Variants in CCER2 observed in about 807,000 individuals in gnomAD.
The protein encoded by CCER2 is coiled-coil domain-containing glutamate-rich protein 2.
Under a neutral mutation model 27.1 loss-of-function variants are expected in CCER2, and 20 were observed. The ratio of observed to expected loss-of-function variants is 0.74; its 90% confidence interval spans 0.52 to 1.07. The LOEUF is 1.07. Among genes scored for constraint, CCER2 ranks in the 50% least tolerant of loss-of-function variants. The pLI, the probability that CCER2 is intolerant of heterozygous loss-of-function variation, is 0.00. For synonymous variants in CCER2, 140 were observed against 144.3 expected, an observed-to-expected ratio of 0.97 and a Z score of 0.21; for missense variants, 351 against 344.7, an observed-to-expected ratio of 1.02 and a Z score of -0.14.
intron 4 of CCER2, among the ~76,000 whole-genome samples, chr19:38,909,804 C>CCT (rs1974267205): frequency 6.6e-6 from 1 of 151,604 alleles, no homozygotes; most frequent in African/African-American, 2.4e-5. Context: ...GAACTCCTGA[C>CCT]CTCAGGTAAT....
At position 38,909,072 on chromosome 19, in the gene CCER2, C is replaced by G; in HGVS notation, c.*164G>C. The G allele has an allele frequency of 1.1e-6, 1 of 940,210 alleles. No homozygotes were observed. The highest frequency in any genetic ancestry group is 1.6e-6 in the Non-Finnish European group (1 of 641,382). 58.2% of individuals were successfully genotyped at this position (940,210 alleles called of 1,614,324 possible). A position where few individuals can be genotyped will look rare whatever the true frequency, so the allele number is the denominator to read the frequency against. On this transcript the variant is annotated 3_prime_UTR_variant, in exon 5 of 5. Transcript: ENST00000571838. ...CTGTGTCAGGGCTGAGCCCAGCCCCCGGCCCAGCTCAGACTCACCTCCTTG... is the reference window on the plus strand; with the variant it reads ...CTGTGTCAGGGCTGAGCCCAGCCCCGGGCCCAGCTCAGACTCACCTCCTTG...
rs1974283047 is a variant in CCER2 at position 38,910,551 on chromosome 19, C to T, written c.711+12G>A. On this transcript the variant is annotated intron_variant, in intron 4 of 4. Transcript: ENST00000571838. ...AACTGTGTTGGTGTTCCTCCTTCAT[C>T]CCCCTACTCACCTCCCTCTCCGAAG... The T allele has an allele frequency of 2.1e-6, 3 of 1,457,838 alleles. No individual in the cohort carries two copies. The highest frequency in any genetic ancestry group is 2.5e-5 in the Admixed American group (1 of 40,238). The allele number at this position is 1,457,838 out of a possible 1,614,324, so 90.3% of individuals were successfully genotyped here.
intron 2 of CCER2, 50 bp from the exon 3 acceptor site, chr19:38,911,703 T>C (rs1254791092): frequency 1.3e-5 from 20 of 1,526,054 alleles, no homozygotes; most frequent in Non-Finnish European, 1.8e-5. Flanking sequence ...GCAGGGGAGA[T>C]GGGGAGGAGA....
At position 38,909,084 on chromosome 19, in the gene CCER2, G is replaced by C; in HGVS notation, c.*152C>G. The C allele has an allele frequency of 2.0e-6, 2 of 990,826 alleles. No individual in the cohort carries two copies. The highest frequency in any genetic ancestry group is 2.9e-6 in the Non-Finnish European group (2 of 681,642). 61.4% of individuals were successfully genotyped at this position (990,826 alleles called of 1,614,324 possible). A position where few individuals can be genotyped will look rare whatever the true frequency, so the allele number is the denominator to read the frequency against. On this transcript the variant is annotated 3_prime_UTR_variant, in exon 5 of 5. Transcript: ENST00000571838. ...TGAGCCCAGCCCCCGGCCCAGCTCA[G>C]ACTCACCTCCTTGGGTGTGGTTCCA...
Position 38,910,643 on chromosome 19 carries a change from C to T in CCER2, c.631G>A (p.Asp211Asn). 1 of 1,531,050 alleles carries T rather than the reference C, an allele frequency of 6.5e-7. No individual in the cohort carries two copies. The highest frequency in any genetic ancestry group is 8.7e-7 in the Non-Finnish European group (1 of 1,144,160). The allele number at this position is 1,531,050 out of a possible 1,614,324, so 94.8% of individuals were successfully genotyped here. ...TGGTGGTGGTGGTGGTGGGGCAAGT[C>T]CTCGCGCCTCTCTCCTCCGCCTCTC... ...AERGGGERRE[D>N]LPHHHHHHHQ... The change falls in exon 4 of 5, where the codon GAC becomes AAC. Residue 211 changes from aspartate to asparagine, a missense_variant. Coordinates refer to ENST00000571838, the MANE Select transcript of CCER2 (RefSeq NM_001243212.2).
intron 3 of CCER2, 55 bp downstream of exon 3, chr19:38,911,511 T>C (rs1298802680): frequency 7.0e-7 from 1 of 1,430,372 alleles, no homozygotes; most frequent in African/African-American, 1.4e-5. Flanking sequence ...CTGGGTGGGG[T>C]AGGGTAGGGT....
chr19:38,910,691 G>C lies in CCER2; in HGVS notation c.583C>G (p.Arg195Gly). ...EKGVRVLGGD[R>G]SLWQGAERGG... ...CTCTCGGCCCCCTGCCACAGGCTGCGGTCCCCGCCCAGCACCCGCACCCCC... is the reference window on the plus strand; with the variant it reads ...CTCTCGGCCCCCTGCCACAGGCTGCCGTCCCCGCCCAGCACCCGCACCCCC... The change falls in exon 4 of 5, where the codon CGC becomes GGC. Residue 195 changes from arginine to glycine, a missense_variant. Coordinates refer to ENST00000571838, the MANE Select transcript of CCER2 (RefSeq NM_001243212.2). 6.5e-7 allele frequency: 1 copy of C among 1,533,392 alleles called. No individual in the cohort carries two copies. The highest frequency in any genetic ancestry group is 8.7e-7 in the Non-Finnish European group (1 of 1,145,596). The allele number at this position is 1,533,392 out of a possible 1,614,324, so 95.0% of individuals were successfully genotyped here. A position where few individuals can be genotyped will look rare whatever the true frequency, so the allele number is the denominator to read the frequency against.
chr19:38,910,912 G>C lies in CCER2; in HGVS notation c.362C>G (p.Ala121Gly), dbSNP rs1443422034. ...RTHKSEVQEQ[A>G]IRMQGHRQLH... ...CTGGCGATGCCCTTGCATGCGGATGGCTTGTTCCTGGACCTCAGACTTGTG... is the reference window on the plus strand; with the variant it reads ...CTGGCGATGCCCTTGCATGCGGATGCCTTGTTCCTGGACCTCAGACTTGTG... The change falls in exon 4 of 5, where the codon GCC becomes GGC. Residue 121 changes from alanine (A) to glycine (G), a missense_variant. Ala to Gly is a moderately conservative substitution (Grantham distance 60). Transcript: ENST00000571838. 20 of 1,515,858 alleles carry C rather than the reference G, an allele frequency of 1.3e-5. No homozygotes were observed. Among genetic ancestry groups the C allele is most frequent in the Non-Finnish European group, 1.8e-5 (20 of 1,136,880 alleles). 93.9% of individuals were successfully genotyped at this position (1,515,858 alleles called of 1,614,324 possible). A position where few individuals can be genotyped will look rare whatever the true frequency, so the allele number is the denominator to read the frequency against.
At position 38,911,625 on chromosome 19, in the gene CCER2, G is replaced by A; in HGVS notation, c.131C>T (p.Thr44Ile). 1 of 1,535,558 alleles carries A rather than the reference G, an allele frequency of 6.5e-7. No individual in the cohort carries two copies. The highest frequency in any genetic ancestry group is 8.7e-7 in the Non-Finnish European group (1 of 1,146,744). Residue 44 changes from threonine (T) to isoleucine (I), a missense_variant, in exon 3 of 5, where the codon ACA (threonine) becomes ATA (isoleucine). By Grantham distance (89) the Thr-to-Ile change is moderately conservative. Transcript: ENST00000571838. ...GACCTGGCCCACGGTCAGCACCTCT[G>A]TGACCACCTCTGCCAGACAGCGGGT... ...ELTRCLAEVVTEVLTVGQVQR... is the reference protein window; with the variant it reads ...ELTRCLAEVVIEVLTVGQVQR...
In CCER2 at chr19:38,909,072, C is replaced by T. The variant is rs3181068; in HGVS notation, c.*164G>A. Reference sequence around the variant, plus strand: ...CTGTGTCAGGGCTGAGCCCAGCCCCCGGCCCAGCTCAGACTCACCTCCTTG... The same window carrying T: ...CTGTGTCAGGGCTGAGCCCAGCCCCTGGCCCAGCTCAGACTCACCTCCTTG... On this transcript the variant is annotated 3_prime_UTR_variant, in exon 5 of 5. Transcript: ENST00000571838. 1,224 of 940,208 alleles carry T rather than the reference C, an allele frequency of 1.3e-3. 5 individuals are homozygous for T. The highest frequency in any genetic ancestry group is 0.013 in the East Asian group (482 of 37,926). The allele number at this position is 940,208 out of a possible 1,614,324, so 58.2% of individuals were successfully genotyped here.
Position 38,910,586 on chromosome 19 carries a change from TCTC to T in CCER2, c.685_687del (p.Glu229del), listed in dbSNP as rs773315672. The T allele has an allele frequency of 1.3e-5, 19 of 1,494,490 alleles. No homozygotes were observed. Among genetic ancestry groups the T allele is most frequent in the East Asian group, 9.9e-5 (4 of 40,426 alleles). 92.6% of individuals were successfully genotyped at this position (1,494,490 alleles called of 1,614,324 possible). A position where few individuals can be genotyped will look rare whatever the true frequency, so the allele number is the denominator to read the frequency against. On this transcript the variant is annotated inframe_deletion, in exon 4 of 5. Coordinates refer to ENST00000571838, the MANE Select transcript of CCER2 (RefSeq NM_001243212.2). ...ACCTCCCTCTCCGAAGCCTCCTCCT[TCTC>T]CTGCCTGGGCTCAGCCTCTGGCTGG...
In CCER2 at chr19:38,911,057, A is replaced by G; in HGVS notation, c.217T>C (p.Cys73Arg). The change falls in exon 4 of 5, where the codon TGT (cysteine) becomes CGT (arginine). Residue 73 changes from cysteine to arginine, a missense_variant. Cys to Arg is a radical substitution (Grantham distance 180). Coordinates refer to ENST00000571838, the MANE Select transcript of CCER2 (RefSeq NM_001243212.2). ...AGGCCTTTCTCCTCGGTGGACGCAC[A>G]GCCGTGGGGCTCTGTCCCGCACAAC... ...KELCGTEPHG[C>R]ASTEEKGLLL... 6.8e-7 allele frequency: 1 copy of G among 1,461,052 alleles called. No homozygotes were observed. The highest frequency in any genetic ancestry group is 9.0e-7 in the Non-Finnish European group (1 of 1,113,264). 90.5% of individuals were successfully genotyped at this position (1,461,052 alleles called of 1,614,324 possible).
At position 38,911,556 on chromosome 19, in the gene CCER2, G is replaced by T; in HGVS notation, c.190+10C>A. On this transcript the variant is annotated intron_variant, in intron 3 of 4. Coordinates refer to ENST00000571838, the MANE Select transcript of CCER2 (RefSeq NM_001243212.2). ...TTGTGGAGGGCAAGTGGGGCCCGGGGCCTCCTTACCCTTGTGGAGAAGAGC... is the reference window on the plus strand; with the variant it reads ...TTGTGGAGGGCAAGTGGGGCCCGGGTCCTCCTTACCCTTGTGGAGAAGAGC... 1 of 1,534,544 alleles carries T rather than the reference G, an allele frequency of 6.5e-7. No individual in the cohort carries two copies. The highest frequency in any genetic ancestry group is 8.7e-7 in the Non-Finnish European group (1 of 1,145,974).
In CCER2 at chr19:38,910,610, G is replaced by C. The variant is rs1349847658; in HGVS notation, c.664C>G (p.Pro222Ala). Residue 222 changes from proline to alanine, a missense_variant, in exon 4 of 5, where the codon CCA becomes GCA. By Grantham distance (27) the Pro-to-Ala change is conservative. Coordinates refer to ENST00000571838, the MANE Select transcript of CCER2 (RefSeq NM_001243212.2). ...TTCTCCTGCCTGGGCTCAGCCTCTG[G>C]CTGGTGGTGGTGGTGGTGGTGGTGG... ...LPHHHHHHHQPEAEPRQEKEE... is the reference protein window; with the variant it reads ...LPHHHHHHHQAEAEPRQEKEE... The C allele has an allele frequency of 5.9e-6, 9 of 1,519,528 alleles. No individual in the cohort carries two copies. Among genetic ancestry groups the C allele is most frequent in the Non-Finnish European group, 7.9e-6 (9 of 1,137,528 alleles). The allele number at this position is 1,519,528 out of a possible 1,614,324, so 94.1% of individuals were successfully genotyped here.
chr19:38,909,036 G>T lies in CCER2; in HGVS notation c.*200C>A. The T allele has an allele frequency of 3.2e-6, 3 of 945,982 alleles. No individual in the cohort carries two copies. Among genetic ancestry groups the T allele is most frequent in the Non-Finnish European group, 4.6e-6 (3 of 647,892 alleles). The allele number at this position is 945,982 out of a possible 1,614,324, so 58.6% of individuals were successfully genotyped here. On this transcript the variant is annotated 3_prime_UTR_variant, in exon 5 of 5. Transcript: ENST00000571838. ...GGTTGGAGTGGGAGTGCATAGGTGT[G>T]GGGGTGCTTCCTGTGTCAGGGCTGA...
At chr19:38,909,968 G>T (rs1974271806) in intron 4 of CCER2, among the ~76,000 whole-genome samples, 1 of 151,664 alleles carries the variant, frequency 6.6e-6, no homozygotes, top group African/African-American at 2.4e-5. Flanking sequence ...AAACTCCCGG[G>T]TTCAAGCAAT....
intron 4 of CCER2, among the ~76,000 whole-genome samples, 188 bp from the exon 5 acceptor site, chr19:38,909,513 A>G (rs1344674732): frequency 6.6e-6 from 1 of 152,148 alleles, no homozygotes; most frequent in Non-Finnish European, 1.5e-5. Flanking sequence ...TAACGCGACC[A>G]CAGCCAACAG....
chr19:38,911,104 ACT>A (rs1568419819), intron 3 of CCER2, 21 bp from the exon 4 acceptor site: 2 of 1,401,482 alleles, frequency 1.4e-6, no homozygotes, highest in Admixed American at 3.0e-5. Context: ...GGGAAAGGAC[ACT>A]CTCTAAGCAT....
intron 3 of CCER2, 64 bp downstream of exon 3, chr19:38,911,502 T>G: frequency 7.2e-7 from 1 of 1,384,976 alleles, no homozygotes; most frequent in South Asian, 1.2e-5. Flanking sequence ...GGCAGGACCC[T>G]GGGTGGGGTA....
Sources: gnomAD v4.1 joint callset for allele counts (sites outside exome capture counted in the v4.1 genomes callset) on GRCh38, gnomAD v4.1.1 for gene constraint, MANE v1.5 for transcripts, NCBI Gene and HGNC (gene_info 2026-07-23, HGNC 2026-07-21) for gene names.